TEP1: variants seen among roughly 807,000 people sequenced by gnomAD.
TEP1 encodes the protein telomerase associated protein 1.
A neutral mutation model predicts 306.3 loss-of-function variants in TEP1; 241 were observed. The observed-to-expected ratio is 0.79, with a 90% CI of 0.71 to 0.88. The LOEUF (loss-of-function observed/expected upper bound fraction) is 0.88. Ranked by LOEUF, TEP1 falls within the 40% of genes least tolerant of loss-of-function variation. TEP1 has a pLI of 0.00. For missense variants in TEP1, 3,051 were observed against 3,276.1 expected, an observed-to-expected ratio of 0.93 and a Z score of 1.68; for synonymous variants, 1,289 against 1,305.5, an observed-to-expected ratio of 0.99 and a Z score of 0.27.
chr14:20,379,734 T>C (rs1885415136), intron 35 of TEP1, among the ~76,000 whole-genome samples, 196 bp downstream of exon 35: 1 of 152,250 alleles, frequency 6.6e-6, no homozygotes, highest in African/African-American at 2.4e-5. Context: ...CTTAGCACAG[T>C]GCCTTAAATG....
At chr14:20,397,477 G>A (rs1159795811) in intron 9 of TEP1, among the ~76,000 whole-genome samples, 1 of 151,762 alleles carries the variant, frequency 6.6e-6, no homozygotes, top group Non-Finnish European at 1.5e-5. Context: ...CCACTGCACT[G>A]CAGCCTGGGT....
At chr14:20,394,986 C>T (rs758670536) in intron 12 of TEP1, among the ~76,000 whole-genome samples, 1 of 152,076 alleles carries the variant, frequency 6.6e-6, no homozygotes, top group Non-Finnish European at 1.5e-5. Flanking sequence ...TGTCTTTGAG[C>T]CTGCTGATGG....
chr14:20,389,805 T>G (rs898263318), intron 15 of TEP1, 65 bp from the exon 16 acceptor site: 2 of 1,589,440 alleles, frequency 1.3e-6, no homozygotes, highest in African/African-American at 2.7e-5. Flanking sequence ...CATTAAGATA[T>G]GAGCTTTCTG....
At chr14:20,406,104 T>G in intron 3 of TEP1, 129 bp downstream of exon 3, 3 of 698,766 alleles carry the variant, frequency 4.3e-6, no homozygotes, top group Non-Finnish European at 6.8e-6. Context: ...GATTAGGAAG[T>G]GAGAAATAAG....
chr14:20,405,782 G>A (rs917970655), intron 3 of TEP1, among the ~76,000 whole-genome samples, 197 bp from the exon 4 acceptor site: 6 of 152,166 alleles, frequency 3.9e-5, no homozygotes, highest in Non-Finnish European at 5.9e-5. Flanking sequence ...GGGAGACTGA[G>A]GTGGGCAGAC....
rs1885172130 is a variant in TEP1 at position 20,376,279 on chromosome 14, G to A, written c.6089-15C>T. The A allele has an allele frequency of 1.9e-6, 3 of 1,607,380 alleles. No homozygotes were observed. In the Middle Eastern group the frequency reaches 5.0e-4, roughly 267 times the overall value. Reference sequence around the variant, plus strand: ...TGTGAAATCCTCTGCATTGGAAAAAGAGAGAGGGAACAGCTTCCTGAAAGA... The same window carrying A: ...TGTGAAATCCTCTGCATTGGAAAAAAAGAGAGGGAACAGCTTCCTGAAAGA... On this transcript the variant is annotated splice_polypyrimidine_tract_variant and intron_variant, in intron 41 of 54. Transcript: ENST00000262715.
At chr14:20,378,307 G>A in intron 38 of TEP1, 71 bp from the exon 39 acceptor site, 1 of 1,611,398 alleles carries the variant, frequency 6.2e-7, no homozygotes, top group African/African-American at 1.3e-5. Context: ...CCAGAATGCT[G>A]CTGTCTGTCG....
At position 20,397,761 on chromosome 14, in the gene TEP1, C is replaced by CT. The variant is rs1203098969; in HGVS notation, c.1550-1032dup. ...TTATCTTCAAGCCATAGTTTCTTTT[C>CT]TTTTTTTTTTGAGACGGAGTCTCAC... On this transcript the variant is annotated intron_variant, in intron 9 of 54. Transcript: ENST00000262715. Among the ~76,000 whole-genome samples the CT allele has an allele frequency of 5.9e-3, 873 of 148,862 alleles. 6 individuals carry two copies. The highest frequency in any genetic ancestry group is 0.019 in the African/African-American group (777 of 40,708).
In TEP1 at chr14:20,368,814, C is replaced by A. The variant is rs147008163; in HGVS notation, c.7745G>T (p.Arg2582Ile). ...CACACTTACCAGCTGCATACTGGGT[C>A]TCTCCCATAGCTTAACATCTCTGTC... is the stretch of plus-strand genomic sequence containing the variant. ...SKDRDVKLWE[R>I]PSMQLLGLFR... The change falls in exon 54 of 55, where the codon AGA becomes ATA. Residue 2582 changes from arginine to isoleucine, a missense_variant. Transcript: ENST00000262715. The A allele has an allele frequency of 3.1e-6, 5 of 1,612,080 alleles. No homozygotes were observed. The highest frequency in any genetic ancestry group is 3.4e-6 in the Non-Finnish European group (4 of 1,179,122).
rs368077042 is a variant in TEP1, at chr14:20,374,482, G to A, written c.6418C>T (p.Arg2140Trp). 2.2e-5 allele frequency: 36 copies of A among 1,613,378 alleles called. No homozygotes were observed. Among genetic ancestry groups the A allele is most frequent in the African/African-American group, 8.0e-5 (6 of 74,896 alleles). ...VGLWDPESGQ[R>W]LGQFLGHQSA... ...TGATGACCCAGGAACTGACCAAGCC[G>A]CTGTCCTGACTCTGGGTCCCAGAGC... The change falls in exon 44 of 55, where the codon CGG (arginine) becomes TGG (tryptophan). Residue 2140 changes from arginine to tryptophan, a missense_variant. Around this residue, in one of 3 missense-constraint regions of TEP1, gnomAD observed 1,540 missense variants for 1,705.9 expected, o/e 0.90. Transcript: ENST00000262715.
Position 20,384,716 on chromosome 14 carries a change from G to C in TEP1, c.3108-3C>G. 1.2e-6 allele frequency: 2 copies of C among 1,608,082 alleles called. No individual in the cohort carries two copies. The highest frequency in any genetic ancestry group is 1.7e-6 in the Non-Finnish European group (2 of 1,179,466). On this transcript the variant is annotated splice_polypyrimidine_tract_variant and splice_region_variant and intron_variant, in intron 21 of 54. Transcript: ENST00000262715. ...ATTTCCAGGCATCTGGCACAGAGCT[G>C]ACCACCAAAGACCCCAAAAGTTGGA...
chr14:20,372,758 TC>T lies in TEP1; in HGVS notation c.7050del (p.Lys2351ArgfsTer8), dbSNP rs766596970. ...EKISEWQVKL[R>X]KGSAPGNLSL... is the part of the protein sequence containing the mutation. The stretch of plus-strand genomic sequence containing the variant: ...CTCAAATTTCCGGGTGCCGAACCCT[TC>T]CGCAGTTTCACTTGCCACTCGCTGA... On this transcript the variant is annotated frameshift_variant, in exon 49 of 55. Coordinates refer to ENST00000262715, the MANE Select transcript of TEP1 (RefSeq NM_007110.5). LOFTEE classifies it high-confidence loss of function. 1 of 1,614,120 alleles carries T rather than the reference TC, an allele frequency of 6.2e-7. No individual in the cohort carries two copies.
At chr14:20,378,594 C>G in intron 37 of TEP1, 59 bp from the exon 38 acceptor site, 4 of 1,609,168 alleles carry the variant, frequency 2.5e-6, no homozygotes, top group Non-Finnish European at 3.4e-6. Flanking sequence ...CTTCTCAGTC[C>G]CAGACCTCCA....
Position 20,407,139 on chromosome 14 carries a change from G to A in TEP1, c.567+734C>T, listed in dbSNP as rs144774738. ...AGTGATTCTGAACTGTATACTAAAT[G>A]TAGGCATGTAGATGTGTAAAAGTGG... On this transcript the variant is annotated intron_variant, in intron 2 of 54. Coordinates refer to ENST00000262715, the MANE Select transcript of TEP1 (RefSeq NM_007110.5). Among the ~76,000 whole-genome samples, 11 of 152,326 alleles carry A rather than the reference G, an allele frequency of 7.2e-5. No individual in the cohort carries two copies. In the East Asian group the frequency reaches 1.7e-3, roughly 24 times the overall value.
Position 20,390,771 on chromosome 14 carries a change from G to A in TEP1, c.2257-13C>T. On this transcript the variant is annotated splice_polypyrimidine_tract_variant and intron_variant, in intron 14 of 54. Coordinates refer to ENST00000262715, the MANE Select transcript of TEP1 (RefSeq NM_007110.5). The stretch of plus-strand genomic sequence containing the variant: ...TTTCATCAAACTCCTGAAGGAAAGA[G>A]ACTTCATGTTATGTGGTTGCACAGT... 3 of 1,614,022 alleles carry A rather than the reference G, an allele frequency of 1.9e-6. No homozygotes were observed. Among genetic ancestry groups the A allele is most frequent in the Non-Finnish European group, 2.5e-6 (3 of 1,179,884 alleles).
intron 13 of TEP1, 23 bp downstream of exon 13, chr14:20,391,576 G>C (rs751451548): frequency 1.2e-6 from 2 of 1,604,756 alleles, no homozygotes; most frequent in Non-Finnish European, 1.7e-6. Flanking sequence ...CAACCCCTTG[G>C]AGGATGCTTT....
rs200650195 is a variant in TEP1 at position 20,388,458 on chromosome 14, TG to T, written c.2526-396del. On this transcript the variant is annotated intron_variant, in intron 17 of 54. Coordinates refer to ENST00000262715, the MANE Select transcript of TEP1 (RefSeq NM_007110.5). ...TCTCATAGGAGTTGAGGGAAATGGATGGTATCCAGAGGAAAAGCCAGGGGAG... is the reference window on the plus strand; with the variant it reads ...TCTCATAGGAGTTGAGGGAAATGGATGTATCCAGAGGAAAAGCCAGGGGAG... 8.8e-3 allele frequency among the ~76,000 whole-genome samples: 1,244 copies of T among 140,646 alleles called. 18 individuals carry two copies. The highest frequency in any genetic ancestry group is 0.029 in the African/African-American group (1,180 of 40,734). 92.3% of individuals were successfully genotyped at this position (140,646 alleles called of 152,430 possible).
intron 21 of TEP1, 27 bp from the exon 22 acceptor site, chr14:20,384,740 G>T (rs767077979): frequency 2.5e-6 from 4 of 1,600,682 alleles, no homozygotes; most frequent in South Asian, 1.1e-5. Context: ...CCAAAAGTTG[G>T]AATAGACTCA....
intron 14 of TEP1, 24 bp from the exon 15 acceptor site, chr14:20,390,782 A>G (rs1877637951): frequency 6.2e-7 from 1 of 1,613,654 alleles, no homozygotes; most frequent in Admixed American, 1.7e-5. Flanking sequence ...ACTTCATGTT[A>G]TGTGGTTGCA....
Sources: allele counts gnomAD v4.1 joint callset (sites outside exome capture counted in the v4.1 genomes callset), GRCh38; gene constraint gnomAD v4.1.1; regional missense constraint gnomAD v4.1.1; transcripts MANE v1.5; gene names NCBI Gene and HGNC (gene_info 2026-07-23, HGNC 2026-07-21).